The following CDH4 variants were observed in gnomAD, a reference collection of about 807,000 sequenced individuals.
The protein encoded by CDH4 is cadherin-4.
CDH4 carries 33 observed loss-of-function variants against 86.0 expected under a neutral mutation model. The ratio of observed to expected loss-of-function variants is 0.38; its 90% CI spans 0.29 to 0.51. CDH4 has a LOEUF of 0.51. Among genes scored for constraint, CDH4 ranks in the 20% least tolerant of loss-of-function variants. CDH4 has a pLI of 0.86. For missense variants in CDH4, 1,114 were observed against 1,307.4 expected (o/e 0.85, Z 2.28); for synonymous variants, 555 against 549.4 (o/e 1.01, Z -0.14).
chr20:61,771,146 G>A (rs184990164), intron 3 of CDH4, among the ~76,000 whole-genome samples: 242 of 151,418 alleles, frequency 1.6e-3, no homozygotes, highest in Non-Finnish European at 2.6e-3. Context: ...AAGTAACTGG[G>A]ACTACAGGCA....
chr20:61,276,688 G>T (rs1375089126), intron 2 of CDH4, among the ~76,000 whole-genome samples: 1 of 152,180 alleles, frequency 6.6e-6, no homozygotes, highest in Non-Finnish European at 1.5e-5. Context: ...ATCCATGGAG[G>T]CCAAGAATGG....
Position 61,929,640 on chromosome 20 carries a change from G to A in CDH4, c.2037G>A (p.Leu679=), listed in dbSNP as rs775214052. Residue 679 remains leucine, a synonymous_variant, in exon 13 of 16, where the codon CTG becomes CTA. Coordinates refer to ENST00000614565, the MANE Select transcript of CDH4 (RefSeq NM_001794.5). ...GDYAQLSLRI[L]YLEAGMYDVP... ...ATGCCCAACTCAGCTTGCGCATCCT[G>A]TACCTGGAGGCCGGGATGTATGACG... 1.9e-6 allele frequency: 3 copies of A among 1,613,942 alleles called. No individual in the cohort carries two copies. The highest frequency in any genetic ancestry group is 2.5e-6 in the Non-Finnish European group (3 of 1,180,048).
At chr20:61,386,313 G>A (rs2084950438) in intron 2 of CDH4, among the ~76,000 whole-genome samples, 1 of 152,148 alleles carries the variant, frequency 6.6e-6, no homozygotes, top group African/African-American at 2.4e-5. Flanking sequence ...GATGCTGACA[G>A]TGCTGCCCAG....
chr20:61,379,616 C>T (rs1296848177), intron 2 of CDH4, among the ~76,000 whole-genome samples: 3 of 152,246 alleles, frequency 2.0e-5, no homozygotes, highest in Admixed American at 1.3e-4. Flanking sequence ...ATAACCATCA[C>T]ACTTTCTGAA....
intron 4 of CDH4, among the ~76,000 whole-genome samples, chr20:61,801,225 C>T (rs758589712): frequency 2.0e-5 from 3 of 152,116 alleles, no homozygotes; most frequent in Non-Finnish European, 4.4e-5. Context: ...GCGGGAGAGC[C>T]GGCAGAAAGC....
intron 2 of CDH4, among the ~76,000 whole-genome samples, chr20:61,386,534 T>C (rs6121677): frequency 0.25 from 37,451 of 152,126 alleles, 4,988 homozygotes; most frequent in African/African-American, 0.34. Context: ...GCGGGGGGCC[T>C]GGCCTTGAGG....
intron 2 of CDH4, among the ~76,000 whole-genome samples, chr20:61,636,182 C>T (rs1198027572): frequency 6.6e-6 from 1 of 152,200 alleles, no homozygotes; most frequent in Non-Finnish European, 1.5e-5. Flanking sequence ...ATGGCCGTTG[C>T]TGAAATTTTT....
chr20:61,928,535 A>C, intron 12 of CDH4, 112 bp downstream of exon 12: 2 of 857,260 alleles, frequency 2.3e-6, no homozygotes, highest in Non-Finnish European at 3.7e-6. Context: ...CAGTCCTCCA[A>C]CAGGACTGTC....
In CDH4 at chr20:61,892,693, C is replaced by G. The variant is rs191384625; in HGVS notation, c.1051-2217C>G. 2.2e-4 allele frequency among the ~76,000 whole-genome samples: 34 copies of G among 152,294 alleles called. 1 individual carries two copies. The highest frequency in any genetic ancestry group is 2.0e-3 in the Admixed American group (31 of 15,300). The stretch of plus-strand genomic sequence containing the variant: ...TGCTGCATAATAAAAGATCCCAAAA[C>G]TTAGCAGCCTAAAACAACCACCATT... On this transcript the variant is annotated intron_variant, in intron 7 of 15. Transcript: ENST00000614565.
At chr20:61,659,223 A>G (rs1235182122) in intron 2 of CDH4, among the ~76,000 whole-genome samples, 1 of 152,216 alleles carries the variant, frequency 6.6e-6, no homozygotes, top group East Asian at 1.9e-4. Flanking sequence ...TTGAAAGTGG[A>G]CTTGGATTCT....
chr20:61,720,708 C>T (rs36146254), intron 2 of CDH4, among the ~76,000 whole-genome samples: 11,683 of 152,018 alleles, frequency 0.077, 957 homozygotes, highest in East Asian at 0.38. Context: ...TTTTCTGATC[C>T]GTGGATACAC....
intron 2 of CDH4, among the ~76,000 whole-genome samples, chr20:61,476,954 G>A (rs1314416718): frequency 6.6e-6 from 1 of 152,192 alleles, no homozygotes; most frequent in Non-Finnish European, 1.5e-5. Context: ...GGTGTTAGAA[G>A]ACCACAGAAG....
intron 2 of CDH4, among the ~76,000 whole-genome samples, chr20:61,258,155 C>G (rs1240293165): frequency 1.3e-5 from 2 of 151,760 alleles, no homozygotes; most frequent in Non-Finnish European, 2.9e-5. Context: ...TGGTGAAACC[C>G]CGTCTCTACT....
At chr20:61,925,192 T>C (rs6089554) in intron 11 of CDH4, among the ~76,000 whole-genome samples, 149,625 of 152,232 alleles carry the variant, frequency 0.98, 73,552 homozygotes, top group East Asian at 1. Context: ...TGAGAGCACG[T>C]GGGGCTTTCT....
At chr20:61,286,294 G>T (rs1225420569) in intron 2 of CDH4, among the ~76,000 whole-genome samples, 2 of 152,240 alleles carry the variant, frequency 1.3e-5, no homozygotes, top group Admixed American at 1.3e-4. Flanking sequence ...AAGTCCAGAG[G>T]AGTGCGTGTG....
chr20:61,447,155 T>C (rs1214389498), intron 2 of CDH4, among the ~76,000 whole-genome samples: 1 of 152,028 alleles, frequency 6.6e-6, no homozygotes, highest in Non-Finnish European at 1.5e-5. Flanking sequence ...TGTTTTTTGT[T>C]TGTTTGCTTG....
chr20:61,504,181 G>A (rs2085724118), intron 2 of CDH4, among the ~76,000 whole-genome samples: 1 of 152,218 alleles, frequency 6.6e-6, no homozygotes, highest in African/African-American at 2.4e-5. Context: ...GAAGACTGGA[G>A]CCTGTTCCAA....
At chr20:61,679,390 G>A (rs542173041) in intron 2 of CDH4, among the ~76,000 whole-genome samples, 1 of 152,308 alleles carries the variant, frequency 6.6e-6, no homozygotes, top group East Asian at 1.9e-4. Context: ...GGTGAGGGGT[G>A]GGTCCCAGGT....
chr20:61,704,778 G>A (rs1379042175), intron 2 of CDH4, among the ~76,000 whole-genome samples: 4 of 152,174 alleles, frequency 2.6e-5, no homozygotes, highest in South Asian at 2.1e-4. Context: ...GGGTGGCGCC[G>A]CTCTGGGCAC....
Sources: allele counts gnomAD v4.1 joint callset (sites outside exome capture counted in the v4.1 genomes callset), GRCh38; gene constraint gnomAD v4.1.1; transcripts MANE v1.5; gene names NCBI Gene and HGNC (gene_info 2026-07-23, HGNC 2026-07-21).